Variants in ANXA7 observed in about 807,000 individuals in gnomAD.
ANXA7 encodes the protein annexin A7, also known as annexin VII.
In ANXA7, 55 loss-of-function variants were observed where a neutral mutation model predicts 64.9. The observed-to-expected ratio is 0.85, with a 90% CI of 0.68 to 1.06. The LOEUF (loss-of-function observed/expected upper bound fraction) is 1.06, where lower values mean the gene tolerates loss of function less well. Ranked by LOEUF, ANXA7 falls within the 50% of genes least tolerant of loss-of-function variation. The pLI, the probability that ANXA7 is intolerant of heterozygous loss-of-function variation, is 0.00. For synonymous variants in ANXA7, 200 were observed against 192.4 expected (o/e 1.04, Z -0.33); for missense variants, 548 against 582.1 (o/e 0.94, Z 0.60).
chr10:73,388,245 G>C (rs1260194224), intron 6 of ANXA7, 67 bp downstream of exon 6: 1 of 1,205,264 alleles, frequency 8.3e-7, no homozygotes, highest in African/African-American at 1.5e-5. Flanking sequence ...TATGAGATAA[G>C]GTTTATTTTT....
In ANXA7 at chr10:73,398,164, C is replaced by T. The variant is rs769291718; in HGVS notation, c.259+17G>A. 5.0e-6 allele frequency: 8 copies of T among 1,598,044 alleles called. No individual in the cohort carries two copies. Among genetic ancestry groups the T allele is most frequent in the East Asian group, 2.2e-5 (1 of 44,544 alleles). ...CAGCAATCCCAATCATTACTAATTCCGCAACCCGTAACTCACCTCCGGGAT... is the reference window on the plus strand; with the variant it reads ...CAGCAATCCCAATCATTACTAATTCTGCAACCCGTAACTCACCTCCGGGAT... On this transcript the variant is annotated intron_variant, in intron 3 of 12. Coordinates refer to ENST00000372921, the MANE Select transcript of ANXA7 (RefSeq NM_001156.5).
At position 73,400,896 on chromosome 10, in the gene ANXA7, GTTGTTTTGTT is replaced by G. The variant is rs542196249; in HGVS notation, c.-1-49_-1-40del. ...AAAAAATGTCCTCTGTAAGTTTTTT[GTTGTTTTGTT>G]TTGTTTTGTTTTGTTTTTTGAGACG... On this transcript the variant is annotated intron_variant, in intron 1 of 12. Coordinates refer to ENST00000372921, the MANE Select transcript of ANXA7 (RefSeq NM_001156.5). The G allele has an allele frequency of 2.7e-4, 417 of 1,542,260 alleles. 1 individual carries two copies. Among genetic ancestry groups the G allele is most frequent in the African/African-American group, 3.7e-4 (27 of 72,240 alleles).
chr10:73,377,013 G>A (rs541456660), intron 12 of ANXA7, among the ~76,000 whole-genome samples: 2 of 152,288 alleles, frequency 1.3e-5, no homozygotes, highest in Non-Finnish European at 2.9e-5. Flanking sequence ...TGGGAGAAAG[G>A]AGAATGGGGA....
intron 5 of ANXA7, among the ~76,000 whole-genome samples, chr10:73,390,720 A>ATATATATATAT (rs1491310073): frequency 7.1e-5 from 8 of 112,622 alleles, no homozygotes; most frequent in African/African-American, 2.9e-4. Context: ...ATATATATAT[A>ATATATATATAT]AAAATATATA....
At chr10:73,410,967 G>A (rs950916907) in intron 1 of ANXA7, among the ~76,000 whole-genome samples, 1 of 152,056 alleles carries the variant, frequency 6.6e-6, no homozygotes. Flanking sequence ...AGGAAAGAAA[G>A]TCATTATATG....
chr10:73,411,586 C>T (rs114362341), intron 1 of ANXA7, among the ~76,000 whole-genome samples: 6,838 of 152,070 alleles, frequency 0.045, 469 homozygotes, highest in African/African-American at 0.15. Flanking sequence ...GACGTGCCAC[C>T]GCACCCGGCT....
rs2055586543 is a variant in ANXA7 at position 73,397,013 on chromosome 10, T to C, written c.370+151A>G. ...TGATTAAACTTTTCCATCAATTTAA[T>C]ATATTTCATAAAACCATTATGTTTA... On this transcript the variant is annotated intron_variant, in intron 4 of 12. Transcript: ENST00000372921. The C allele has an allele frequency of 1.0e-5, 5 of 481,588 alleles. No homozygotes were observed. In the East Asian group the frequency reaches 1.6e-4, roughly 15 times the overall value. The allele number at this position is 481,588 out of a possible 1,614,324, so 29.8% of individuals were successfully genotyped here.
chr10:73,376,401 A>C (rs963177998), intron 12 of ANXA7, among the ~76,000 whole-genome samples, 184 bp from the exon 13 acceptor site: 4 of 152,312 alleles, frequency 2.6e-5, no homozygotes, highest in Non-Finnish European at 5.9e-5. Flanking sequence ...TCTGATTCAC[A>C]GCTCTGTAAA....
At chr10:73,377,081 T>G (rs1281407330) in intron 12 of ANXA7, among the ~76,000 whole-genome samples, 1 of 152,140 alleles carries the variant, frequency 6.6e-6, no homozygotes, top group African/African-American at 2.4e-5. Context: ...CATCTGAAGG[T>G]GAATGGTAAT....
rs1307199022 is a variant in ANXA7 at position 73,383,273 on chromosome 10, C to T, written c.820G>A (p.Val274Ile). 1 of 1,614,018 alleles carries T rather than the reference C, an allele frequency of 6.2e-7. No individual in the cohort carries two copies. Among genetic ancestry groups the T allele is most frequent in the Non-Finnish European group, 8.5e-7 (1 of 1,180,020 alleles). Residue 274 changes from valine to isoleucine, a missense_variant, in exon 9 of 13, where the codon GTC (valine) becomes ATC (isoleucine). By Grantham distance (29) the Val-to-Ile change is conservative. Transcript: ENST00000372921. Reference sequence around the variant, plus strand: ...CCAAATTCTGACTGATAACATCTGACAATTTCTCGGATTTCCTGATTTGTT... The same window carrying T: ...CCAAATTCTGACTGATAACATCTGATAATTTCTCGGATTTCCTGATTTGTT... ...TRTNQEIREIVRCYQSEFGRD... is the reference protein window; with the variant it reads ...TRTNQEIREIIRCYQSEFGRD...
intron 5 of ANXA7, among the ~76,000 whole-genome samples, chr10:73,394,886 A>G (rs1375899578): frequency 4.6e-5 from 7 of 152,248 alleles, no homozygotes; most frequent in African/African-American, 7.2e-5. Context: ...AATAAGTTGC[A>G]TAAGTACATG....
chr10:73,387,873 C>T (rs537479738), intron 6 of ANXA7, 90 bp from the exon 7 acceptor site: 59 of 931,434 alleles, frequency 6.3e-5, no homozygotes, highest in South Asian at 1.6e-4. Flanking sequence ...TTTTTTGAGA[C>T]GGAGTTTGTC....
chr10:73,404,546 T>C (rs1304973989), intron 1 of ANXA7, among the ~76,000 whole-genome samples: 1 of 152,140 alleles, frequency 6.6e-6, no homozygotes, highest in Non-Finnish European at 1.5e-5. Context: ...GAATATTCTA[T>C]ATAATATAGT....
chr10:73,402,314 C>G (rs980759776), intron 1 of ANXA7, among the ~76,000 whole-genome samples: 2 of 151,988 alleles, frequency 1.3e-5, no homozygotes, highest in Non-Finnish European at 1.5e-5. Flanking sequence ...TCAACACCCC[C>G]CCTCCCCACC....
In ANXA7 at chr10:73,390,731, T is replaced by C. The variant is rs1220491698; in HGVS notation, c.436-2317A>G. On this transcript the variant is annotated intron_variant, in intron 5 of 12. Transcript: ENST00000372921. ...ATATATATATATATAAAAATATATA[T>C]ATACACACACACACATATATATATA... is the stretch of plus-strand genomic sequence containing the variant. Among the ~76,000 whole-genome samples, 321 of 137,576 alleles carry C rather than the reference T, an allele frequency of 2.3e-3. 2 individuals are homozygous for C. Among genetic ancestry groups the C allele is most frequent in the African/African-American group, 7.3e-3 (265 of 36,062 alleles). The allele number at this position is 137,576 out of a possible 152,430, so 90.3% of individuals were successfully genotyped here. A position where few individuals can be genotyped will look rare whatever the true frequency, so the allele number is the denominator to read the frequency against.
chr10:73,396,619 C>A, intron 4 of ANXA7, 36 bp from the exon 5 acceptor site: 1 of 1,371,886 alleles, frequency 7.3e-7, no homozygotes. Context: ...AATACGGCAA[C>A]AGGTCTTACA....
chr10:73,394,671 G>A (rs978067178), intron 5 of ANXA7, among the ~76,000 whole-genome samples: 1 of 152,144 alleles, frequency 6.6e-6, no homozygotes, highest in African/African-American at 2.4e-5. Flanking sequence ...GAGAACACTT[G>A]GACACAGGAT....
In ANXA7 at chr10:73,400,848, G is replaced by A; in HGVS notation, c.9C>T (p.Tyr3=). The change falls in exon 2 of 13, where the codon TAC becomes TAT. Residue 3 remains tyrosine, a synonymous_variant. Transcript: ENST00000372921. ...GGTAGCCTGTTGGGGGATAGCCTGGGTATGACATTCTGTAACAACAATAAA... is the reference window on the plus strand; with the variant it reads ...GGTAGCCTGTTGGGGGATAGCCTGGATATGACATTCTGTAACAACAATAAA... MS[Y]PGYPPTGYPP... 2 of 1,600,504 alleles carry A rather than the reference G, an allele frequency of 1.2e-6. No homozygotes were observed. The highest frequency in any genetic ancestry group is 2.3e-5 in the East Asian group (1 of 43,978).
At chr10:73,387,846 C>A in intron 6 of ANXA7, 63 bp from the exon 7 acceptor site, 259 of 550,870 alleles carry the variant, frequency 4.7e-4, no homozygotes, top group Non-Finnish European at 7.1e-4. Context: ...TTGAGGTCAT[C>A]TTTTTTTTTT....
Sources: allele counts gnomAD v4.1 joint callset (sites outside exome capture counted in the v4.1 genomes callset), GRCh38; gene constraint gnomAD v4.1.1; transcripts MANE v1.5; gene names NCBI Gene and HGNC (gene_info 2026-07-23, HGNC 2026-07-21).